Variants in NUMB observed in about 807,000 individuals in gnomAD.
The protein encoded by NUMB is protein numb homolog.
Under a neutral mutation model 59.7 loss-of-function variants are expected in NUMB, and 29 were observed. The observed-to-expected ratio is 0.49, with a 90% CI of 0.36 to 0.66. The LOEUF (loss-of-function observed/expected upper bound fraction) is 0.66. NUMB is among the 30% of genes least tolerant of loss of function. NUMB has a pLI of 0.00. For missense variants in NUMB, 723 were observed against 822.0 expected, an observed-to-expected ratio of 0.88 and a Z score of 1.47; for synonymous variants, 288 against 288.2, an observed-to-expected ratio of 1.00 and a Z score of 0.01.
At chr14:73,395,415 G>T (rs1296322917) in intron 2 of NUMB, among the ~76,000 whole-genome samples, 1 of 152,048 alleles carries the variant, frequency 6.6e-6, no homozygotes, top group Non-Finnish European at 1.5e-5. Flanking sequence ...TTGAGCCCAG[G>T]AGTTTGAGAC....
Position 73,279,363 on chromosome 14 carries a change from G to A in NUMB, c.1158C>T (p.Pro386=), listed in dbSNP as rs757736274. The A allele has an allele frequency of 2.3e-5, 37 of 1,612,608 alleles. No homozygotes were observed. The highest frequency in any genetic ancestry group is 1.6e-4 in the Middle Eastern group (1 of 6,074). Residue 386 remains proline, a synonymous_variant, in exon 12 of 13, where the codon CCC becomes CCT. Transcript: ENST00000555238. ...LAKPAHTALA[P]VAMPVRETNP... Reference sequence around the variant, plus strand: ...TGGTTTCACGCACAGGCATTGCTACGGGTGCTAGAGCAGTATGGGCTGGCT... The same window carrying A: ...TGGTTTCACGCACAGGCATTGCTACAGGTGCTAGAGCAGTATGGGCTGGCT...
chr14:73,294,748 G>A (rs1017367429), intron 7 of NUMB, among the ~76,000 whole-genome samples: 4 of 146,934 alleles, frequency 2.7e-5, no homozygotes, highest in Non-Finnish European at 6.0e-5. Flanking sequence ...CAAACTACTG[G>A]ACTCAAGTGA....
intron 4 of NUMB, among the ~76,000 whole-genome samples, chr14:73,328,357 T>C (rs967756239): frequency 7.9e-5 from 12 of 152,178 alleles, no homozygotes; most frequent in Non-Finnish European, 1.5e-4. Flanking sequence ...TATGCATATA[T>C]CACTATGTTT....
At chr14:73,352,524 A>G (rs1360090330) in intron 4 of NUMB, among the ~76,000 whole-genome samples, 4 of 14,236 alleles carry the variant, frequency 2.8e-4, no homozygotes, top group African/African-American at 6.9e-4. Context: ...ATATATATAT[A>G]TATATGTTTT....
At chr14:73,399,432 G>A (rs368015979) in intron 2 of NUMB, among the ~76,000 whole-genome samples, 5 of 152,104 alleles carry the variant, frequency 3.3e-5, no homozygotes, top group African/African-American at 7.2e-5. Flanking sequence ...GTGTGGTGGC[G>A]CATGCCTATA....
chr14:73,426,948 G>A (rs752972398), intron 1 of NUMB, among the ~76,000 whole-genome samples: 57 of 152,072 alleles, frequency 3.7e-4, no homozygotes, highest in Non-Finnish European at 6.9e-4. Context: ...TGGGAGGTCC[G>A]GGCTGCAGTG....
intron 2 of NUMB, among the ~76,000 whole-genome samples, chr14:73,393,330 G>C (rs1895949773): frequency 6.6e-6 from 1 of 151,960 alleles, no homozygotes; most frequent in Admixed American, 6.6e-5. Flanking sequence ...AAATAAGGGG[G>C]CTATCATTCC....
intron 1 of NUMB, among the ~76,000 whole-genome samples, chr14:73,431,443 A>G (rs928452351): frequency 2.7e-5 from 4 of 150,490 alleles, no homozygotes; most frequent in African/African-American, 9.7e-5. Flanking sequence ...TTTAGTAGAG[A>G]CAGGGTTTTG....
chr14:73,279,532 AAG>A (rs1336480924), intron 11 of NUMB, 108 bp from the exon 12 acceptor site: 37 of 1,031,758 alleles, frequency 3.6e-5, no homozygotes, highest in Admixed American at 2.7e-4. Flanking sequence ...TGGAATGGAT[AAG>A]AGAGAAGAGT....
In NUMB at chr14:73,369,374, T is replaced by C. The variant is rs906251156; in HGVS notation, c.-100-2393A>G. 3.7e-4 allele frequency among the ~76,000 whole-genome samples: 56 copies of C among 152,196 alleles called. 1 individual carries two copies. The highest frequency in any genetic ancestry group is 1.2e-3 in the African/African-American group (51 of 41,456). On this transcript the variant is annotated intron_variant, in intron 2 of 12. Coordinates refer to ENST00000555238, the MANE Select transcript of NUMB (RefSeq NM_001005743.2). ...TTTTCAAAAAGAAATTTGACAATAA[T>C]AGCCATATCTTCAATTGCCATTTAC...
intron 4 of NUMB, among the ~76,000 whole-genome samples, chr14:73,343,042 A>C (rs1349666078): frequency 6.7e-6 from 1 of 150,352 alleles, no homozygotes; most frequent in African/African-American, 2.5e-5. Flanking sequence ...TATGTTGCGG[A>C]GGCTTCAAAC....
In NUMB at chr14:73,323,105, A is replaced by G. The variant is rs758100758; in HGVS notation, c.201+25T>C. 3.8e-6 allele frequency: 6 copies of G among 1,569,484 alleles called. No homozygotes were observed. In the East Asian group the frequency reaches 9.0e-5, roughly 23 times the overall value. ...GAAAATATTGATAGCATATAGATCAACACTGGCAACCATCAAATACATACA... is the reference window on the plus strand; with the variant it reads ...GAAAATATTGATAGCATATAGATCAGCACTGGCAACCATCAAATACATACA... On this transcript the variant is annotated intron_variant, in intron 5 of 12. Transcript: ENST00000555238.
chr14:73,392,681 T>C (rs1281900511), intron 2 of NUMB, among the ~76,000 whole-genome samples: 2 of 152,256 alleles, frequency 1.3e-5, no homozygotes, highest in Non-Finnish European at 2.9e-5. Context: ...TGGCCTATAA[T>C]AACAATAATT....
intron 4 of NUMB, among the ~76,000 whole-genome samples, chr14:73,352,330 C>T (rs1893338637): frequency 6.6e-6 from 1 of 150,634 alleles, no homozygotes; most frequent in South Asian, 2.1e-4. Flanking sequence ...AGAAGCCTTA[C>T]TCTGATCCTA....
intron 2 of NUMB, among the ~76,000 whole-genome samples, chr14:73,401,338 AT>A (rs950250382): frequency 7.3e-5 from 11 of 151,238 alleles, no homozygotes; most frequent in Admixed American, 1.3e-4. Context: ...AACTCTCTGT[AT>A]TTTTTTTGCT....
intron 1 of NUMB, among the ~76,000 whole-genome samples, chr14:73,430,150 T>G (rs771466244): frequency 6.6e-6 from 1 of 150,844 alleles, no homozygotes; most frequent in Non-Finnish European, 1.5e-5. Flanking sequence ...ATATTTTATA[T>G]ATTTTAAATA....
In NUMB at chr14:73,398,215, G is replaced by T. The variant is rs967060490; in HGVS notation, c.-101+11722C>A. On this transcript the variant is annotated intron_variant, in intron 2 of 12. Transcript: ENST00000555238. ...ATAGCTTAAATATCCCACAATAGAA[G>T]ATTAAATAATTTAAAGCTATAAAAT... is the stretch of plus-strand genomic sequence containing the variant. Among the ~76,000 whole-genome samples, 8 of 151,926 alleles carry T rather than the reference G, an allele frequency of 5.3e-5. No individual in the cohort carries two copies. In the South Asian group the frequency reaches 1.0e-3, roughly 20 times the overall value.
chr14:73,449,129 C>T (rs766444044), intron 1 of NUMB, among the ~76,000 whole-genome samples: 1 of 152,010 alleles, frequency 6.6e-6, no homozygotes, highest in Non-Finnish European at 1.5e-5. Flanking sequence ...TGTGTTTTTG[C>T]TATTACTTTT....
intron 12 of NUMB, among the ~76,000 whole-genome samples, chr14:73,278,062 A>AC (rs996724869): frequency 1.3e-5 from 2 of 150,856 alleles, no homozygotes; most frequent in African/African-American, 4.9e-5. Flanking sequence ...AAAAAAAAAA[A>AC]AAAAAACACC....
Sources: allele counts gnomAD v4.1 joint callset (sites outside exome capture counted in the v4.1 genomes callset), GRCh38; gene constraint gnomAD v4.1.1; transcripts MANE v1.5; gene names NCBI Gene and HGNC (gene_info 2026-07-23, HGNC 2026-07-21).